NRXN3: variants seen among roughly 807,000 people sequenced by gnomAD.
The protein encoded by NRXN3 is neurexin III.
NRXN3 carries 32 observed loss-of-function variants against 137.6 expected under a neutral mutation model. The observed-to-expected ratio is 0.23, with a 90% CI of 0.18 to 0.31. The LOEUF (loss-of-function observed/expected upper bound fraction) is 0.31, where lower values mean the gene tolerates loss of function less well. Among genes scored for constraint, NRXN3 ranks in the 10% least tolerant of loss-of-function variants. The pLI is 1.00. For missense variants in NRXN3, 1,574 were observed against 2,062.5 expected, an observed-to-expected ratio of 0.76 and a Z score of 4.59; for synonymous variants, 798 against 784.5, an observed-to-expected ratio of 1.02 and a Z score of -0.29.
intron 15 of NRXN3, among the ~76,000 whole-genome samples, chr14:79,250,212 A>G (rs1011153992): frequency 6.6e-6 from 1 of 152,194 alleles, no homozygotes; most frequent in East Asian, 1.9e-4. Context: ...AACTAAGTAA[A>G]TGAATAATAA....
At chr14:79,182,396 T>C (rs1216973432) in intron 15 of NRXN3, among the ~76,000 whole-genome samples, 1 of 151,694 alleles carries the variant, frequency 6.6e-6, no homozygotes, top group African/African-American at 2.4e-5. Flanking sequence ...TTCCTGCAAC[T>C]AGATAGTCCC....
chr14:79,861,924 A>T lies in NRXN3; in HGVS notation c.4676A>T (p.His1559Leu), dbSNP rs2099414484. ...AAGCAGCAGAGCTCGAAGAGCGGCC[A>T]CAAGAAACAGAAAAACAAGGACAGG... ...KEKQQSSKSGHKKQKNKDREY... is the reference protein window; with the variant it reads ...KEKQQSSKSGLKKQKNKDREY... Residue 1559 changes from histidine to leucine, a missense_variant, in exon 21 of 21, where the codon CAC (histidine) becomes CTC (leucine). Coordinates refer to ENST00000335750, the MANE Select transcript of NRXN3 (RefSeq NM_001330195.2). The surrounding 1 kb of genome is among the most constrained non-coding windows in gnomAD (Gnocchi z 5.4). The T allele has an allele frequency of 6.2e-7, 1 of 1,613,674 alleles. No individual in the cohort carries two copies.
At chr14:78,474,309 G>T (rs1050886056) in intron 4 of NRXN3, among the ~76,000 whole-genome samples, 1 of 152,182 alleles carries the variant, frequency 6.6e-6, no homozygotes, top group Non-Finnish European at 1.5e-5. Flanking sequence ...AAGGGGTGAT[G>T]CTCCCATTTT....
intron 16 of NRXN3, among the ~76,000 whole-genome samples, chr14:79,596,120 A>G (rs1050391751): frequency 5.3e-5 from 8 of 151,048 alleles, no homozygotes; most frequent in African/African-American, 1.7e-4. Flanking sequence ...CCTTGTACGT[A>G]ATACACCCTT....
intron 16 of NRXN3, among the ~76,000 whole-genome samples, chr14:79,467,740 C>G (rs2096448795): frequency 6.6e-6 from 1 of 150,786 alleles, no homozygotes; most frequent in Non-Finnish European, 1.5e-5. Flanking sequence ...GTGCAAGCAG[C>G]AAAGCCAAGT....
At chr14:78,288,763 A>G (rs1434528604) in intron 3 of NRXN3, among the ~76,000 whole-genome samples, 1 of 152,204 alleles carries the variant, frequency 6.6e-6, no homozygotes, top group Non-Finnish European at 1.5e-5. Flanking sequence ...CACAGCATTA[A>G]TGCATGAGGA....
chr14:78,381,510 GTT>G (rs1351716878), intron 4 of NRXN3, among the ~76,000 whole-genome samples: 3 of 152,206 alleles, frequency 2.0e-5, no homozygotes, highest in Non-Finnish European at 4.4e-5. Flanking sequence ...CTGGAAGAGA[GTT>G]TGACAATTTT....
At chr14:79,432,988 T>C (rs2095788822) in intron 15 of NRXN3, among the ~76,000 whole-genome samples, 1 of 152,192 alleles carries the variant, frequency 6.6e-6, no homozygotes, top group Admixed American at 6.5e-5. Flanking sequence ...TTCACTTTCA[T>C]CTTAATTTAG....
At chr14:79,137,494 C>A (rs546282820) in intron 15 of NRXN3, among the ~76,000 whole-genome samples, 2 of 152,138 alleles carry the variant, frequency 1.3e-5, no homozygotes, top group African/African-American at 2.4e-5. Flanking sequence ...TCATGCAGAG[C>A]CCTTCAAACA....
At chr14:79,089,237 G>T (rs1191293769) in intron 15 of NRXN3, among the ~76,000 whole-genome samples, 1 of 152,094 alleles carries the variant, frequency 6.6e-6, no homozygotes, top group Non-Finnish European at 1.5e-5. Flanking sequence ...AATATGATTT[G>T]ATTGCCTAAC....
intron 19 of NRXN3, among the ~76,000 whole-genome samples, chr14:79,734,026 A>T (rs2098933456): frequency 6.6e-6 from 1 of 152,156 alleles, no homozygotes; most frequent in African/African-American, 2.4e-5. Flanking sequence ...AGATTCACTG[A>T]CTTGGAGTCA....
chr14:78,500,396 C>T (rs1028368708), intron 4 of NRXN3, among the ~76,000 whole-genome samples: 2 of 152,114 alleles, frequency 1.3e-5, no homozygotes, highest in Non-Finnish European at 2.9e-5. Flanking sequence ...TCCTTTTCTT[C>T]TCAGCTTCTC....
intron 16 of NRXN3, among the ~76,000 whole-genome samples, chr14:79,486,645 C>G (rs1487058911): frequency 6.6e-6 from 1 of 152,162 alleles, no homozygotes; most frequent in East Asian, 1.9e-4. Flanking sequence ...GGTGCAGTGA[C>G]TTACCTACCT....
chr14:78,466,902 A>G (rs2095122213), intron 4 of NRXN3, among the ~76,000 whole-genome samples: 1 of 152,210 alleles, frequency 6.6e-6, no homozygotes, highest in South Asian at 2.1e-4. Flanking sequence ...AAGAAATAAT[A>G]CCTGGTGATG....
intron 15 of NRXN3, among the ~76,000 whole-genome samples, chr14:79,321,001 T>C (rs146796581): frequency 2.0e-5 from 3 of 152,320 alleles, no homozygotes; most frequent in African/African-American, 7.2e-5. Context: ...TACTTTTGTA[T>C]CAAACTATCA....
At chr14:78,909,567 A>G (rs1257937542) in intron 10 of NRXN3, among the ~76,000 whole-genome samples, 1 of 152,120 alleles carries the variant, frequency 6.6e-6, no homozygotes, top group Non-Finnish European at 1.5e-5. Flanking sequence ...ATTATTAAGC[A>G]TTCACCTTGC....
intron 15 of NRXN3, among the ~76,000 whole-genome samples, chr14:79,211,640 C>T (rs2067676999): frequency 6.6e-6 from 1 of 152,066 alleles, no homozygotes; most frequent in South Asian, 2.1e-4. Flanking sequence ...ATTTTAAATC[C>T]TGTTCTCTTA....
At chr14:78,652,724 T>C (rs1483540723) in intron 6 of NRXN3, among the ~76,000 whole-genome samples, 1 of 152,256 alleles carries the variant, frequency 6.6e-6, no homozygotes, top group East Asian at 1.9e-4. Flanking sequence ...AGGAATTGTG[T>C]CTGTTAGGCA....
chr14:78,808,873 G>A (rs954894630), intron 9 of NRXN3, among the ~76,000 whole-genome samples: 1 of 151,860 alleles, frequency 6.6e-6, no homozygotes, highest in Non-Finnish European at 1.5e-5. Context: ...TCCTTGACAA[G>A]TCCTCTAAAA....
Sources: gnomAD v4.1 joint callset for allele counts (sites outside exome capture counted in the v4.1 genomes callset) on GRCh38, gnomAD v4.1.1 for gene constraint, Gnocchi (gnomAD v3.1) non-coding constraint, MANE v1.5 for transcripts, NCBI Gene and HGNC (gene_info 2026-07-23, HGNC 2026-07-21) for gene names.